RAPH1: variants seen among roughly 807,000 people sequenced by gnomAD.
RAPH1 encodes the protein Ras association (RalGDS/AF-6) and pleckstrin homology domains 1.
In RAPH1, 18 loss-of-function variants were observed where a neutral mutation model predicts 88.1. The ratio of observed to expected loss-of-function variants is 0.20; its 90% confidence interval spans 0.14 to 0.30. The LOEUF (loss-of-function observed/expected upper bound fraction) is 0.30, where lower values mean the gene tolerates loss of function less well. Ranked by LOEUF, RAPH1 falls within the 10% of genes least tolerant of loss-of-function variation. RAPH1 has a pLI of 1.00. For missense variants in RAPH1, 1,448 were observed against 1,543.2 expected, an observed-to-expected ratio of 0.94 and a Z score of 1.03; for synonymous variants, 587 against 559.0, an observed-to-expected ratio of 1.05 and a Z score of -0.71.
chr2:203,474,179 G>A (rs2098535453), intron 4 of RAPH1, among the ~76,000 whole-genome samples: 1 of 152,162 alleles, frequency 6.6e-6, no homozygotes, highest in Admixed American at 6.5e-5. Flanking sequence ...AGGGCAAAGG[G>A]ATATTTGAGA....
chr2:203,452,504 TG>T (rs767416897), intron 10 of RAPH1, among the ~76,000 whole-genome samples: 20 of 152,236 alleles, frequency 1.3e-4, no homozygotes, highest in Admixed American at 2.6e-4. Flanking sequence ...AATTATTCTT[TG>T]TCCAATCCAG....
At position 203,439,933 on chromosome 2, in the gene RAPH1, G is replaced by C. The variant is rs750408580; in HGVS notation, c.3257C>G (p.Pro1086Arg). The C allele has an allele frequency of 4.3e-6, 7 of 1,613,786 alleles. No individual in the cohort carries two copies. The Admixed American group carries it at 6.7e-5, about 15-fold the overall frequency. ...CGAGAAAACTGCTGGAATCTCAATGGGGGGCAGAGGAAGCTCTGTTTCAGG... is the reference window on the plus strand; with the variant it reads ...CGAGAAAACTGCTGGAATCTCAATGCGGGGCAGAGGAAGCTCTGTTTCAGG... ...PPPETELPLPPIEIPAVFSGN... is the reference protein window; with the variant it reads ...PPPETELPLPRIEIPAVFSGN... The change falls in exon 14 of 14, where the codon CCC becomes CGC. Residue 1086 changes from proline (P) to arginine (R), a missense_variant. This residue lies in a region of RAPH1 where 935 missense variants were observed against 890.1 expected (regional missense o/e 1.05). Transcript: ENST00000319170.
rs1189672148 is a variant in RAPH1 at position 203,438,304 on chromosome 2, G to C, written c.*1133C>G. ...AACCAGATTAATGACACCTGTACAGGGGCCAGTTCTGTTCTCTCATCACCC... is the reference window on the plus strand; with the variant it reads ...AACCAGATTAATGACACCTGTACAGCGGCCAGTTCTGTTCTCTCATCACCC... On this transcript the variant is annotated 3_prime_UTR_variant, in exon 14 of 14. Transcript: ENST00000319170. The C allele has an allele frequency of 4.9e-6, 2 of 408,238 alleles. No homozygotes were observed. Among genetic ancestry groups the C allele is most frequent in the African/African-American group, 4.1e-5 (2 of 48,442 alleles). The allele number at this position is 408,238 out of a possible 1,614,324, so 25.3% of individuals were successfully genotyped here.
intron 13 of RAPH1, 62 bp from the exon 14 acceptor site, chr2:203,441,475 A>G (rs934561933): frequency 6.8e-7 from 1 of 1,471,370 alleles, no homozygotes; most frequent in Non-Finnish European, 9.0e-7. Context: ...ACAGTTACAG[A>G]GGTAAGCTTT....
At chr2:203,522,566 A>G (rs138408490) in intron 1 of RAPH1, among the ~76,000 whole-genome samples, 1 of 152,278 alleles carries the variant, frequency 6.6e-6, no homozygotes, top group East Asian at 1.9e-4. Context: ...AGAGTATTCT[A>G]AAATTTATAT....
In RAPH1 at chr2:203,455,593, G is replaced by GATAA; in HGVS notation, c.1159-14_1159-13insTTAT. Reference sequence around the variant, plus strand: ...CACAAAAACATTCCTAAAATAACAAGATTATTTGCAAAGACTTATGATCGT... The same window carrying GATAA: ...CACAAAAACATTCCTAAAATAACAAGATAAATTATTTGCAAAGACTTATGATCGT... On this transcript the variant is annotated splice_polypyrimidine_tract_variant and intron_variant, in intron 8 of 13. Coordinates refer to ENST00000319170, the MANE Select transcript of RAPH1 (RefSeq NM_213589.3). 6.2e-7 allele frequency: 1 copy of GATAA among 1,609,488 alleles called. No homozygotes were observed. Among genetic ancestry groups the GATAA allele is most frequent in the Non-Finnish European group, 8.5e-7 (1 of 1,177,516 alleles).
intron 4 of RAPH1, among the ~76,000 whole-genome samples, chr2:203,485,895 A>G (rs999548192): frequency 1.3e-5 from 2 of 152,182 alleles, no homozygotes; most frequent in African/African-American, 2.4e-5. Flanking sequence ...AATAGTGCTG[A>G]TAGCTGAGAA....
At chr2:203,508,636 C>A (rs1689196923) in intron 1 of RAPH1, among the ~76,000 whole-genome samples, 1 of 151,940 alleles carries the variant, frequency 6.6e-6, no homozygotes, top group Admixed American at 6.6e-5. Flanking sequence ...ACAAGCAGAC[C>A]CACACAGTGC....
chr2:203,521,633 TA>T (rs1248389445), intron 1 of RAPH1, among the ~76,000 whole-genome samples: 3 of 151,606 alleles, frequency 2.0e-5, no homozygotes, highest in African/African-American at 7.3e-5. Flanking sequence ...GTTTCAAAAT[TA>T]AAAACAAATT....
At position 203,448,928 on chromosome 2, in the gene RAPH1, T is replaced by C. The variant is rs1221206086; in HGVS notation, c.1414-92A>G. 1 of 754,134 alleles carries C rather than the reference T, an allele frequency of 1.3e-6. No individual in the cohort carries two copies. 46.7% of individuals were successfully genotyped at this position (754,134 alleles called of 1,614,324 possible). On this transcript the variant is annotated intron_variant, in intron 10 of 13. Coordinates refer to ENST00000319170, the MANE Select transcript of RAPH1 (RefSeq NM_213589.3). This position sits in a 1 kb window ranked among gnomAD's most constrained non-coding sequence, Gnocchi z 4.1. Reference sequence around the variant, plus strand: ...AGCTTAAACATATCCTGACAAGTTATAGGCCATTAGAGTAATGGCCAATAC... The same window carrying C: ...AGCTTAAACATATCCTGACAAGTTACAGGCCATTAGAGTAATGGCCAATAC...
rs779535463 is a variant in RAPH1 at position 203,440,085 on chromosome 2, G to A, written c.3105C>T (p.Val1035=). 1 of 1,613,548 alleles carries A rather than the reference G, an allele frequency of 6.2e-7. No individual in the cohort carries two copies. The highest frequency in any genetic ancestry group is 8.5e-7 in the Non-Finnish European group (1 of 1,180,012). ...PKPGKLNLSG[V]NLPGVLQQGC... is the part of the protein sequence containing the mutation. The stretch of plus-strand genomic sequence containing the variant: ...CTTGTTGGAGAACTCCAGGAAGGTT[G>A]ACTCCAGAAAGATTGAGTTTTCCAG... Residue 1035 remains valine (V), a synonymous_variant, in exon 14 of 14, where the codon GTC becomes GTT. Coordinates refer to ENST00000319170, the MANE Select transcript of RAPH1 (RefSeq NM_213589.3).
chr2:203,443,565 T>TTCC (rs1415064044), intron 13 of RAPH1: 1 of 151,550 alleles, frequency 6.6e-6, no homozygotes, highest in Non-Finnish European at 1.5e-5. Context: ...TTAAGGGAAA[T>TTCC]GATTTTAATT....
At chr2:203,529,001 ATATATTTTTTT>A (rs1690257563) in intron 1 of RAPH1, among the ~76,000 whole-genome samples, 7 of 80,656 alleles carry the variant, frequency 8.7e-5, no homozygotes, top group African/African-American at 4.5e-4. Context: ...ATATATATAT[ATATATTTTTTT>A]TTTTTTTTTT....
chr2:203,480,543 G>C (rs1374548043), intron 4 of RAPH1, among the ~76,000 whole-genome samples: 4 of 152,004 alleles, frequency 2.6e-5, no homozygotes, highest in African/African-American at 4.8e-5. Context: ...GCAAGACCCT[G>C]TCTCAAAAAA....
At chr2:203,509,066 ATTTTTTTT>A (rs34628795) in intron 1 of RAPH1, among the ~76,000 whole-genome samples, 3 of 120,502 alleles carry the variant, frequency 2.5e-5, no homozygotes, top group Non-Finnish European at 3.4e-5. Flanking sequence ...TTAAAAAATA[ATTTTTTTT>A]TTTTTTTTTT....
intron 10 of RAPH1, among the ~76,000 whole-genome samples, chr2:203,452,125 C>G (rs1016986580): frequency 2.6e-5 from 4 of 152,164 alleles, no homozygotes; most frequent in Non-Finnish European, 5.9e-5. Context: ...CACTGACAAC[C>G]TTGAGCCACT....
intron 2 of RAPH1, among the ~76,000 whole-genome samples, chr2:203,493,900 G>A (rs996865578): frequency 1.3e-5 from 2 of 149,930 alleles, no homozygotes; most frequent in Non-Finnish European, 3.0e-5. Flanking sequence ...GAACCCGGGA[G>A]GCGGTGGTTG....
intron 1 of RAPH1, among the ~76,000 whole-genome samples, chr2:203,499,073 A>C (rs2105869507): frequency 6.6e-6 from 1 of 152,290 alleles, no homozygotes. Context: ...ATGCTGGCCC[A>C]ACAAGTGCTT....
intron 4 of RAPH1, among the ~76,000 whole-genome samples, chr2:203,480,767 C>T (rs1418408131): frequency 6.6e-6 from 1 of 152,148 alleles, no homozygotes; most frequent in Admixed American, 6.5e-5. Flanking sequence ...TACTGACACA[C>T]GTATGCATTT....
Sources: allele counts gnomAD v4.1 joint callset (sites outside exome capture counted in the v4.1 genomes callset), GRCh38; gene constraint gnomAD v4.1.1; regional missense constraint gnomAD v4.1.1; non-coding constraint Gnocchi (gnomAD v3.1); transcripts MANE v1.5; gene names NCBI Gene and HGNC (gene_info 2026-07-23, HGNC 2026-07-21).